ANO6: variants seen among roughly 807,000 people sequenced by gnomAD.
The protein encoded by ANO6 is anoctamin 6, also known as anoctamin-6.
Under a neutral mutation model 117.5 loss-of-function variants are expected in ANO6, and 106 were observed. That is an observed-to-expected ratio of 0.90 (90% CI 0.77 to 1.06). The LOEUF is 1.06. Ranked by LOEUF, ANO6 falls within the 50% of genes least tolerant of loss-of-function variation. ANO6 has a pLI of 0.00. For synonymous variants in ANO6, 367 were observed against 385.1 expected, an observed-to-expected ratio of 0.95 and a Z score of 0.55; for missense variants, 955 against 1,121.1, an observed-to-expected ratio of 0.85 and a Z score of 2.12.
intron 1 of ANO6, among the ~76,000 whole-genome samples, chr12:45,229,391 T>TG (rs1035815152): frequency 3.2e-3 from 1 of 316 alleles, no homozygotes; most frequent in Non-Finnish European, 0.02. Flanking sequence ...TTATTTTTAG[T>TG]TTTTTTTTTT....
At chr12:45,398,924 G>A (rs998383435) in intron 12 of ANO6, among the ~76,000 whole-genome samples, 2 of 152,140 alleles carry the variant, frequency 1.3e-5, no homozygotes, top group African/African-American at 4.8e-5. Context: ...TCTTCAGTCG[G>A]TTTAAACAAC....
rs138396024 is a variant in ANO6 at position 45,293,729 on chromosome 12, GTTTTTTTTTT to G, written c.71-8267_71-8258del. Among the ~76,000 whole-genome samples, 293 of 48,414 alleles carry G rather than the reference GTTTTTTTTTT, an allele frequency of 6.1e-3. 2 individuals are homozygous for G. The highest frequency in any genetic ancestry group is 0.022 in the African/African-American group (265 of 12,238). The allele number at this position is 48,414 out of a possible 152,430, so 31.8% of individuals were successfully genotyped here. A position where few individuals can be genotyped will look rare whatever the true frequency, so the allele number is the denominator to read the frequency against. On this transcript the variant is annotated intron_variant, in intron 1 of 19. Transcript: ENST00000320560. ...GTGCCTGCCACCATGCCTGGCTAAT[GTTTTTTTTTT>G]TTTTTTTTTTTTTTTTTGTATTTTT...
At position 45,372,529 on chromosome 12, in the gene ANO6, A is replaced by G. The variant is rs578136183; in HGVS notation, c.1104+4736A>G. Among the ~76,000 whole-genome samples, 13 of 142,712 alleles carry G rather than the reference A, an allele frequency of 9.1e-5. No individual in the cohort carries two copies. The East Asian group carries it at 2.6e-3, about 29-fold the overall frequency. The allele number at this position is 142,712 out of a possible 152,430, so 93.6% of individuals were successfully genotyped here. A position where few individuals can be genotyped will look rare whatever the true frequency, so the allele number is the denominator to read the frequency against. On this transcript the variant is annotated intron_variant, in intron 9 of 19. Transcript: ENST00000320560. ...GCGGATCTCTCGGCAGAAACCCTAC[A>G]AGCCAGAAGAGAGTGGGGGCCAATA... is the stretch of plus-strand genomic sequence containing the variant.
intron 1 of ANO6, among the ~76,000 whole-genome samples, chr12:45,258,673 A>G: frequency 6.6e-6 from 1 of 151,972 alleles, no homozygotes; most frequent in East Asian, 1.9e-4. Context: ...CCCCACCTCC[A>G]CACACCAATT....
intron 9 of ANO6, among the ~76,000 whole-genome samples, chr12:45,368,744 A>G (rs757204799): frequency 6.6e-6 from 1 of 152,172 alleles, no homozygotes. Context: ...AATCATTAGT[A>G]TCCCTAGAAC....
chr12:45,364,553 A>C (rs1452272135), intron 8 of ANO6, among the ~76,000 whole-genome samples: 1 of 152,072 alleles, frequency 6.6e-6, no homozygotes, highest in Admixed American at 6.5e-5. Context: ...CAATTTGCTG[A>C]TTCTTCTGCT....
intron 1 of ANO6, among the ~76,000 whole-genome samples, chr12:45,265,385 T>G (rs551999770): frequency 6.6e-6 from 1 of 152,300 alleles, no homozygotes; most frequent in South Asian, 2.1e-4. Context: ...TGAAGTGACC[T>G]ATATACCCTG....
intron 8 of ANO6, among the ~76,000 whole-genome samples, chr12:45,358,114 C>T (rs529888555): frequency 5.5e-4 from 84 of 152,266 alleles, no homozygotes; most frequent in African/African-American, 1.9e-3. Flanking sequence ...GGATGCAGCA[C>T]GGAACCAGGA....
chr12:45,347,139 T>C (rs568815345), intron 4 of ANO6, 52 bp downstream of exon 4: 2 of 1,558,628 alleles, frequency 1.3e-6, no homozygotes, highest in Non-Finnish European at 8.8e-7. Flanking sequence ...CTCGGGCAGC[T>C]TCGTGCCACT....
chr12:45,383,106 T>C (rs1006146383), intron 10 of ANO6: 3 of 199,378 alleles, frequency 1.5e-5, no homozygotes, highest in Admixed American at 1.1e-4. Context: ...TAAGTTTGTG[T>C]GATATTCTAA....
chr12:45,265,777 C>G (rs1180892069), intron 1 of ANO6, among the ~76,000 whole-genome samples: 5 of 152,296 alleles, frequency 3.3e-5, no homozygotes, highest in African/African-American at 9.6e-5. Flanking sequence ...AGTGTACCTG[C>G]AGGTTGGCTC....
At chr12:45,428,376 G>C (rs1319512777) in intron 19 of ANO6, among the ~76,000 whole-genome samples, 1 of 152,164 alleles carries the variant, frequency 6.6e-6, no homozygotes, top group Non-Finnish European at 1.5e-5. Flanking sequence ...GCTTTGGAAG[G>C]CCAAGTTGGG....
chr12:45,270,445 GCCT>G (rs1938358056), intron 1 of ANO6: 2 of 1,522,564 alleles, frequency 1.3e-6, no homozygotes, highest in African/African-American at 2.8e-5. Flanking sequence ...ATTTATTGAT[GCCT>G]CCTCATCCTT....
chr12:45,228,731 G>C (rs1055016791), intron 1 of ANO6, among the ~76,000 whole-genome samples: 1 of 152,196 alleles, frequency 6.6e-6, no homozygotes, highest in East Asian at 1.9e-4. Context: ...GGTAGCACCT[G>C]GGGGAAAGGA....
intron 2 of ANO6, among the ~76,000 whole-genome samples, chr12:45,304,856 C>G (rs1165077618): frequency 6.6e-6 from 1 of 152,152 alleles, no homozygotes; most frequent in East Asian, 1.9e-4. Context: ...TAGGTAAAGC[C>G]AGCACTGCTG....
At chr12:45,321,018 A>G (rs577046993) in intron 2 of ANO6, among the ~76,000 whole-genome samples, 1 of 152,020 alleles carries the variant, frequency 6.6e-6, no homozygotes, top group East Asian at 1.9e-4. Flanking sequence ...GTGTCTCTGC[A>G]CGTGAGATGG....
At chr12:45,287,198 C>T (rs1476794339) in intron 1 of ANO6, among the ~76,000 whole-genome samples, 2 of 152,114 alleles carry the variant, frequency 1.3e-5, no homozygotes, top group African/African-American at 4.8e-5. Context: ...TCAGGGACAA[C>T]CTCTCTGAGA....
At chr12:45,229,012 A>G (rs1947531710) in intron 1 of ANO6, among the ~76,000 whole-genome samples, 1 of 152,188 alleles carries the variant, frequency 6.6e-6, no homozygotes, top group Non-Finnish European at 1.5e-5. Context: ...AGACTAGGCC[A>G]TGTACTGGAG....
downstream of ANO6, among the ~76,000 whole-genome samples, chr12:45,435,549 C>A (rs1028044032): frequency 2.6e-5 from 4 of 152,134 alleles, no homozygotes; most frequent in Non-Finnish European, 5.9e-5. Flanking sequence ...TCCCACCTAC[C>A]CTGCATATTG....
Sources: allele counts gnomAD v4.1 joint callset (sites outside exome capture counted in the v4.1 genomes callset), GRCh38; gene constraint gnomAD v4.1.1; transcripts MANE v1.5; gene names NCBI Gene and HGNC (gene_info 2026-07-23, HGNC 2026-07-21).